FRMD4B: variants seen among roughly 807,000 people sequenced by gnomAD.
FRMD4B encodes the protein FERM domain-containing protein 4B.
A neutral mutation model predicts 141.5 loss-of-function variants in FRMD4B; 74 were observed. The ratio of observed to expected loss-of-function variants is 0.52; its 90% CI spans 0.43 to 0.63. The LOEUF is 0.63. Ranked by LOEUF, FRMD4B falls within the 30% of genes least tolerant of loss-of-function variation. The pLI is 0.00. For synonymous variants in FRMD4B, 506 were observed against 467.9 expected, an observed-to-expected ratio of 1.08 and a Z score of -1.05; for missense variants, 1,366 against 1,253.4, an observed-to-expected ratio of 1.09 and a Z score of -1.36.
At chr3:69,245,116 A>G (rs546595981) in intron 7 of FRMD4B, among the ~76,000 whole-genome samples, 2 of 152,268 alleles carry the variant, frequency 1.3e-5, no homozygotes, top group Admixed American at 6.5e-5. Context: ...CCTCACAGCA[A>G]TCCTATGGAG....
chr3:69,189,838 A>C, intron 18 of FRMD4B, 58 bp downstream of exon 18: 1 of 1,033,304 alleles, frequency 9.7e-7, no homozygotes, highest in Admixed American at 1.9e-5. Flanking sequence ...TAAGAAAATT[A>C]TCTTAATTAT....
intron 11 of FRMD4B, chr3:69,200,472 G>GCCCTCCC: frequency 2.0e-6 from 2 of 990,918 alleles, no homozygotes; most frequent in Non-Finnish European, 2.4e-6. Context: ...GGGTTCTTCC[G>GCCCTCCC]CCCTCCCCCC....
At chr3:69,204,409 A>C (rs1341352578) in intron 11 of FRMD4B, among the ~76,000 whole-genome samples, 4 of 152,166 alleles carry the variant, frequency 2.6e-5, no homozygotes, top group Non-Finnish European at 5.9e-5. Context: ...TAGGTTAATC[A>C]TTTAACTGCA....
At chr3:69,513,866 T>C (rs1167744692) in intron 1 of FRMD4B, among the ~76,000 whole-genome samples, 4 of 152,106 alleles carry the variant, frequency 2.6e-5, no homozygotes, top group African/African-American at 9.7e-5. Context: ...CCTTTTATGA[T>C]AAAAATAGTC....
rs567101878 is a variant in FRMD4B at position 69,524,732 on chromosome 3, G to T, written c.-129+17474C>A. Among the ~76,000 whole-genome samples the T allele has an allele frequency of 6.6e-5, 10 of 152,252 alleles. No homozygotes were observed. The South Asian group carries it at 2.1e-3, about 32-fold the overall frequency. ...AAGTAGAAGGTGTTTCCTTTAAATG[G>T]GAATAACTCAGAAGTGGCACACACT... On this transcript the variant is annotated intron_variant, in intron 1 of 5. Transcript: ENST00000459638.
chr3:69,538,165 C>T (rs2107174193), intron 1 of FRMD4B, among the ~76,000 whole-genome samples: 1 of 152,232 alleles, frequency 6.6e-6, no homozygotes, highest in South Asian at 2.1e-4. Flanking sequence ...GACCCCAATA[C>T]ACAGAGGAAA....
intron 1 of FRMD4B, among the ~76,000 whole-genome samples, chr3:69,502,474 G>A (rs1429119158): frequency 1.3e-5 from 2 of 152,120 alleles, no homozygotes; most frequent in Non-Finnish European, 2.9e-5. Flanking sequence ...AAACTGGCTA[G>A]CCATATGTAG....
intron 1 of FRMD4B, among the ~76,000 whole-genome samples, chr3:69,445,922 G>A (rs1359915225): frequency 4.6e-5 from 7 of 152,172 alleles, no homozygotes; most frequent in Admixed American, 4.6e-4. Flanking sequence ...CCAAGAGGAG[G>A]GAGATATTGC....
chr3:69,533,920 C>A (rs17006079), intron 1 of FRMD4B, among the ~76,000 whole-genome samples: 34,462 of 152,076 alleles, frequency 0.23, 4,075 homozygotes, highest in Admixed American at 0.27. Context: ...TCTGGGAGAC[C>A]GGGATTTGCC....
At chr3:69,196,771 G>A (rs2092910308) in intron 13 of FRMD4B, 129 bp downstream of exon 13, 5 of 666,858 alleles carry the variant, frequency 7.5e-6, no homozygotes, top group African/African-American at 1.8e-5. Flanking sequence ...TGAAATAGTT[G>A]GAAGTTAAAC....
chr3:69,325,709 AT>A (rs1340066526), intron 1 of FRMD4B, among the ~76,000 whole-genome samples: 1 of 152,196 alleles, frequency 6.6e-6, no homozygotes, highest in African/African-American at 2.4e-5. Flanking sequence ...GGTTGAACTG[AT>A]TATAAACTCT....
At chr3:69,311,818 TTAATAA>T (rs764022716) in intron 2 of FRMD4B, among the ~76,000 whole-genome samples, 2 of 151,768 alleles carry the variant, frequency 1.3e-5, no homozygotes, top group Non-Finnish European at 2.9e-5. Context: ...GATGAAAATA[TTAATAA>T]TAATAATAAT....
chr3:69,339,716 T>A (rs1296219684), intron 1 of FRMD4B, among the ~76,000 whole-genome samples: 1 of 152,172 alleles, frequency 6.6e-6, no homozygotes, highest in Non-Finnish European at 1.5e-5. Flanking sequence ...GAGACATCCA[T>A]GGGACAATTC....
intron 1 of FRMD4B, among the ~76,000 whole-genome samples, chr3:69,520,428 T>C (rs1700837813): frequency 6.8e-6 from 1 of 148,102 alleles, no homozygotes; most frequent in Admixed American, 6.8e-5. Context: ...CTGTGATATA[T>C]ATATATATCA....
intron 1 of FRMD4B, among the ~76,000 whole-genome samples, chr3:69,529,321 G>A (rs1258831095): frequency 6.6e-6 from 1 of 152,176 alleles, no homozygotes; most frequent in Non-Finnish European, 1.5e-5. Context: ...AACAGTCTAG[G>A]GAATAACCAA....
intron 1 of FRMD4B, among the ~76,000 whole-genome samples, chr3:69,378,949 C>T (rs775642877): frequency 3.9e-5 from 6 of 152,144 alleles, no homozygotes; most frequent in South Asian, 2.1e-4. Context: ...CTTGGTCCTT[C>T]CCTTTTGCAT....
At chr3:69,227,058 T>G (rs1347788146) in intron 7 of FRMD4B, among the ~76,000 whole-genome samples, 1 of 152,218 alleles carries the variant, frequency 6.6e-6, no homozygotes, top group Admixed American at 6.5e-5. Context: ...AAATACCACC[T>G]GTGTTGGATT....
intron 2 of FRMD4B, among the ~76,000 whole-genome samples, chr3:69,400,430 T>A (rs1031760743): frequency 3.9e-5 from 6 of 151,908 alleles, no homozygotes; most frequent in Non-Finnish European, 7.4e-5. Context: ...TAGAATTGAT[T>A]GAGAGCCAAG....
At chr3:69,505,436 T>A (rs1269624364) in intron 1 of FRMD4B, among the ~76,000 whole-genome samples, 2 of 152,132 alleles carry the variant, frequency 1.3e-5, no homozygotes, top group Non-Finnish European at 2.9e-5. Flanking sequence ...TTTACTTGTA[T>A]CATTCTTTAC....
Sources: gnomAD v4.1 joint callset for allele counts (sites outside exome capture counted in the v4.1 genomes callset) on GRCh38, gnomAD v4.1.1 for gene constraint, MANE v1.5 for transcripts, NCBI Gene and HGNC (gene_info 2026-07-23, HGNC 2026-07-21) for gene names.